HYAL4: variants seen among roughly 807,000 people sequenced by gnomAD.
HYAL4 encodes the protein hyaluronidase 4.
In HYAL4, 37 loss-of-function variants were observed where a neutral mutation model predicts 35.2. The observed-to-expected ratio is 1.05, with a 90% CI of 0.81 to 1.38. The LOEUF is 1.38. Ranked by LOEUF, HYAL4 falls within the 40% of genes most tolerant of loss-of-function variation. The pLI is 0.00. For synonymous variants in HYAL4, 198 were observed against 203.2 expected (o/e 0.97, Z 0.22); for missense variants, 572 against 572.4 (o/e 1.00, Z 0.01).
intron 1 of HYAL4, among the ~76,000 whole-genome samples, chr7:123,846,750 C>T (rs986590600): frequency 6.6e-6 from 1 of 152,148 alleles, no homozygotes; most frequent in Non-Finnish European, 1.5e-5. Flanking sequence ...TGGCAGCCCT[C>T]CCCAAGGACT....
chr7:123,869,257 A>G (rs1345848321), intron 3 of HYAL4, 30 bp downstream of exon 3: 7 of 1,382,506 alleles, frequency 5.1e-6, no homozygotes, highest in African/African-American at 1.5e-5. Context: ...ATGGTGGGGG[A>G]TTTCCTCCTT....
the HYAL4 span, among the ~76,000 whole-genome samples, chr7:123,791,595 A>G: frequency 1.3e-5 from 2 of 152,218 alleles, no homozygotes; most frequent in Non-Finnish European, 2.9e-5. Flanking sequence ...CTTGGTCCAC[A>G]GGGATAGCCA....
intron 3 of HYAL4, among the ~76,000 whole-genome samples, chr7:123,871,438 C>T (rs974641871): frequency 1.3e-5 from 2 of 152,068 alleles, no homozygotes; most frequent in African/African-American, 2.4e-5. Flanking sequence ...GAGATCCACC[C>T]GCCTTGGCCT....
the HYAL4 span, among the ~76,000 whole-genome samples, chr7:123,764,686 C>A: frequency 6.6e-6 from 1 of 152,170 alleles, no homozygotes; most frequent in Non-Finnish European, 1.5e-5. Flanking sequence ...GCTAAATAAT[C>A]TTGGATCTCC....
At chr7:123,870,912 A>G (rs921235038) in intron 3 of HYAL4, among the ~76,000 whole-genome samples, 1 of 152,140 alleles carries the variant, frequency 6.6e-6, no homozygotes, top group African/African-American at 2.4e-5. Flanking sequence ...TAATAAATTG[A>G]CTTTTGGAAG....
chr7:123,777,653 G>A, the HYAL4 span, among the ~76,000 whole-genome samples: 1 of 151,870 alleles, frequency 6.6e-6, no homozygotes, highest in African/African-American at 2.4e-5. Flanking sequence ...ACCTGATTTC[G>A]CTATATACTT....
At chr7:123,808,561 G>T in the HYAL4 span, among the ~76,000 whole-genome samples, 1 of 151,946 alleles carries the variant, frequency 6.6e-6, no homozygotes, top group Non-Finnish European at 1.5e-5. Flanking sequence ...TTTGGACGCT[G>T]TCCTTGGCAG....
chr7:123,864,091 C>T (rs114598849), intron 2 of HYAL4, among the ~76,000 whole-genome samples: 5,736 of 152,164 alleles, frequency 0.038, 265 homozygotes, highest in African/African-American at 0.11. Flanking sequence ...GCTGCTTTTG[C>T]CACATTTGTC....
At chr7:123,789,573 T>C in the HYAL4 span, among the ~76,000 whole-genome samples, 1 of 152,200 alleles carries the variant, frequency 6.6e-6, no homozygotes, top group African/African-American at 2.4e-5. Flanking sequence ...ATGAAACATA[T>C]GCTCTGTTAT....
chr7:123,827,216 A>G (rs1006753243), upstream of HYAL4, among the ~76,000 whole-genome samples: 4 of 152,150 alleles, frequency 2.6e-5, no homozygotes, highest in African/African-American at 7.2e-5. Context: ...TGTAGGAAAG[A>G]TGAACAGGAG....
the HYAL4 span, among the ~76,000 whole-genome samples, chr7:123,823,508 A>G: frequency 1.7e-3 from 266 of 152,122 alleles, 4 homozygotes; most frequent in Non-Finnish European, 2.9e-4. Context: ...ATATTTTTGA[A>G]GAGTTAGAGA....
Position 123,863,538 on chromosome 7 carries a change from G to A in HYAL4, c.-51-4685G>A, listed in dbSNP as rs148407175. The stretch of plus-strand genomic sequence containing the variant: ...TTGGTGAAGAGTCTAAGAAGGCAGG[G>A]ATTTTCTCTAGATTAGATGTTGTCA... On this transcript the variant is annotated intron_variant, in intron 2 of 4. Transcript: ENST00000223026. Among the ~76,000 whole-genome samples the A allele has an allele frequency of 6.2e-4, 94 of 152,244 alleles. No individual in the cohort carries two copies. In the East Asian group the frequency reaches 0.014, roughly 23 times the overall value.
the HYAL4 span, among the ~76,000 whole-genome samples, chr7:123,793,256 A>G: frequency 2.6e-5 from 4 of 152,356 alleles, no homozygotes; most frequent in African/African-American, 7.2e-5. Context: ...TTGCCACACA[A>G]TAAGCTACTT....
the HYAL4 span, chr7:123,814,044 A>T: frequency 3.3e-5 from 5 of 152,230 alleles, no homozygotes; most frequent in Non-Finnish European, 7.3e-5. Flanking sequence ...TATTCATTGT[A>T]TACCACAAAA....
the HYAL4 span, among the ~76,000 whole-genome samples, chr7:123,811,168 G>A: frequency 6.6e-6 from 1 of 152,178 alleles, no homozygotes; most frequent in African/African-American, 2.4e-5. Flanking sequence ...GCAGATTTTT[G>A]TGTGGGTGTA....
intron 2 of HYAL4, among the ~76,000 whole-genome samples, chr7:123,857,669 G>GTTTGTTTC (rs1283770130): frequency 0.025 from 3,061 of 124,422 alleles, 41 homozygotes; most frequent in Middle Eastern, 0.047. Context: ...TTCTTTGTTT[G>GTTTGTTTC]TTTCTTTCTT....
the HYAL4 span, among the ~76,000 whole-genome samples, chr7:123,804,803 A>G: frequency 6.6e-6 from 1 of 152,220 alleles, no homozygotes. Flanking sequence ...CTTTGGCTAT[A>G]GATTATAGAC....
At chr7:123,778,159 GTCTA>G in the HYAL4 span, among the ~76,000 whole-genome samples, 15,339 of 120,670 alleles carry the variant, frequency 0.13, 813 homozygotes, top group African/African-American at 0.15. Flanking sequence ...CTGTCTGTCT[GTCTA>G]TCTATCTATC....
rs539293908 is a variant in HYAL4, at chr7:123,872,931, A to C, written c.955-1830A>C. Among the ~76,000 whole-genome samples the C allele has an allele frequency of 3.9e-5, 6 of 152,330 alleles. No homozygotes were observed. The South Asian group carries it at 1.2e-3, about 32-fold the overall frequency. On this transcript the variant is annotated intron_variant, in intron 3 of 4. Transcript: ENST00000223026. ...TCTGACGCTTACATACTTACTATAG[A>C]CCAATAATCTATAAATATAAAATGT... is the stretch of plus-strand genomic sequence containing the variant.
Sources: gnomAD v4.1 joint callset for allele counts (sites outside exome capture counted in the v4.1 genomes callset) on GRCh38, gnomAD v4.1.1 for gene constraint, MANE v1.5 for transcripts, NCBI Gene and HGNC (gene_info 2026-07-23, HGNC 2026-07-21) for gene names.